The following ATF2 variants were observed in gnomAD, a reference collection of about 807,000 sequenced individuals.
The protein encoded by ATF2 is activating transcription factor 2.
In ATF2, 24 loss-of-function variants were observed where a neutral mutation model predicts 60.6. That is an observed-to-expected ratio of 0.40 (90% confidence interval 0.29 to 0.56). The LOEUF (loss-of-function observed/expected upper bound fraction) is 0.56. Among genes scored for constraint, ATF2 ranks in the 20% least tolerant of loss-of-function variants. The pLI, the probability that ATF2 is intolerant of heterozygous loss-of-function variation, is 0.54. For missense variants in ATF2, 433 were observed against 607.7 expected (o/e 0.71, Z 3.02); for synonymous variants, 206 against 215.4 (o/e 0.96, Z 0.38).
chr2:175,124,335 CT>C (rs1460230456), intron 4 of ATF2, among the ~76,000 whole-genome samples: 3 of 150,866 alleles, frequency 2.0e-5, no homozygotes, highest in Non-Finnish European at 4.4e-5. Context: ...AGCAATCTCT[CT>C]TAAAAGGTTA....
intron 1 of ATF2, among the ~76,000 whole-genome samples, chr2:175,160,210 C>T (rs1559128212): frequency 6.6e-6 from 1 of 152,204 alleles, no homozygotes; most frequent in South Asian, 2.1e-4. Flanking sequence ...CATAGTGAGA[C>T]TCCATCTCTA....
intron 3 of ATF2, among the ~76,000 whole-genome samples, chr2:175,134,601 A>G (rs1698003402): frequency 6.6e-6 from 1 of 152,172 alleles, no homozygotes; most frequent in South Asian, 2.1e-4. Context: ...CCTTTTGTGC[A>G]TAAAATGTAT....
chr2:175,119,428 G>A (rs749585328), intron 5 of ATF2, among the ~76,000 whole-genome samples: 2 of 151,384 alleles, frequency 1.3e-5, no homozygotes, highest in Admixed American at 6.6e-5. Context: ...TAACCATTAT[G>A]TCCCCACAGA....
chr2:175,113,610 C>G (rs1257047961), intron 9 of ATF2, among the ~76,000 whole-genome samples: 1 of 151,896 alleles, frequency 6.6e-6, no homozygotes, highest in Non-Finnish European at 1.5e-5. Context: ...CCTACTTGAC[C>G]ACAAAAATTC....
intron 2 of ATF2, among the ~76,000 whole-genome samples, chr2:175,140,754 C>T (rs1161503130): frequency 4.1e-5 from 6 of 148,010 alleles, no homozygotes; most frequent in South Asian, 2.1e-4. Flanking sequence ...TTTGGGGTGC[C>T]GAGGCAGAAG....
intron 5 of ATF2, among the ~76,000 whole-genome samples, chr2:175,118,870 A>G (rs1156278609): frequency 6.6e-6 from 1 of 151,608 alleles, no homozygotes; most frequent in Non-Finnish European, 1.5e-5. Context: ...TATTGTAAGA[A>G]AGAAAAAAAA....
At chr2:175,092,990 A>G (rs1694662795) in intron 12 of ATF2, 71 bp downstream of exon 12, 1 of 1,529,968 alleles carries the variant, frequency 6.5e-7, no homozygotes. Context: ...AGGCCCAACT[A>G]GGAAAAAAAA....
intron 4 of ATF2, among the ~76,000 whole-genome samples, chr2:175,122,208 T>A (rs1697008108): frequency 6.6e-6 from 1 of 152,004 alleles, no homozygotes. Flanking sequence ...TTTTTAAAGT[T>A]ATCCATCATA....
intron 1 of ATF2, among the ~76,000 whole-genome samples, chr2:175,157,643 AGGGG>A (rs1299406038): frequency 1.3e-5 from 2 of 152,188 alleles, no homozygotes; most frequent in Non-Finnish European, 1.5e-5. Context: ...CCAACACTGA[AGGGG>A]GAGGGGCACG....
intron 1 of ATF2, among the ~76,000 whole-genome samples, chr2:175,161,158 T>C (rs1024892157): frequency 1.3e-5 from 2 of 152,152 alleles, no homozygotes; most frequent in African/African-American, 2.4e-5. Flanking sequence ...GGGGTACATA[T>C]GGAACAAAAA....
At chr2:175,107,179 C>T (rs1168264510) in intron 10 of ATF2, among the ~76,000 whole-genome samples, 1 of 151,974 alleles carries the variant, frequency 6.6e-6, no homozygotes, top group African/African-American at 2.4e-5. Context: ...GGCAAAAGAC[C>T]TCACAACTAA....
intron 1 of ATF2, among the ~76,000 whole-genome samples, chr2:175,167,360 G>A (rs553812297): frequency 3.9e-5 from 6 of 152,096 alleles, no homozygotes; most frequent in Non-Finnish European, 7.4e-5. Flanking sequence ...GAATCAGTCT[G>A]CACCCACACC....
chr2:175,154,282 C>A (rs1220522958), intron 1 of ATF2, among the ~76,000 whole-genome samples: 1 of 150,026 alleles, frequency 6.7e-6, no homozygotes, highest in Non-Finnish European at 1.5e-5. Flanking sequence ...TTGTTAAGAA[C>A]TAACACACAG....
chr2:175,147,609 T>C (rs1699039635), intron 2 of ATF2, among the ~76,000 whole-genome samples: 2 of 152,242 alleles, frequency 1.3e-5, no homozygotes, highest in South Asian at 4.1e-4. Context: ...TAAAAGTTAT[T>C]TGGAAAACAT....
chr2:175,100,029 A>C (rs1188232194), intron 10 of ATF2, among the ~76,000 whole-genome samples: 1 of 152,218 alleles, frequency 6.6e-6, no homozygotes, highest in African/African-American at 2.4e-5. Context: ...TTCTTTATGA[A>C]TTATAAAAAG....
In ATF2 at chr2:175,085,662, A is replaced by G. The variant is rs535769983; in HGVS notation, c.1186-4897T>C. On this transcript the variant is annotated intron_variant, in intron 12 of 13. Transcript: ENST00000264110. The stretch of plus-strand genomic sequence containing the variant: ...CAGGACATCAATTTCTACATTTCAA[A>G]CTTAACGGTTGGTGGTATTCAGACT... Among the ~76,000 whole-genome samples, 16 of 152,098 alleles carry G rather than the reference A, an allele frequency of 1.1e-4. No individual in the cohort carries two copies. The South Asian group carries it at 3.3e-3, about 32-fold the overall frequency.
In ATF2 at chr2:175,121,984, A is replaced by G. The variant is rs145478010; in HGVS notation, c.103-444T>C. Among the ~76,000 whole-genome samples, 192 of 152,036 alleles carry G rather than the reference A, an allele frequency of 1.3e-3. 2 individuals carry two copies. Among genetic ancestry groups the G allele is most frequent in the Non-Finnish European group, 2.0e-3 (138 of 67,876 alleles). ...CTTTTTAAAAGAGAATTTTCTTATA[A>G]AAGTATTACGCCTGGACAAAATTTA... is the stretch of plus-strand genomic sequence containing the variant. On this transcript the variant is annotated intron_variant, in intron 4 of 13. Coordinates refer to ENST00000264110, the MANE Select transcript of ATF2 (RefSeq NM_001880.4).
Position 175,154,234 on chromosome 2 carries a change from A to AAAAT in ATF2, c.-142-3077_-142-3076insATTT, listed in dbSNP as rs59907964. Among the ~76,000 whole-genome samples, 522 of 131,642 alleles carry AAAAT rather than the reference A, an allele frequency of 4.0e-3. 1 individual carries two copies. The highest frequency in any genetic ancestry group is 9.5e-3 in the African/African-American group (339 of 35,820). The allele number at this position is 131,642 out of a possible 152,430, so 86.4% of individuals were successfully genotyped here. A position where few individuals can be genotyped will look rare whatever the true frequency, so the allele number is the denominator to read the frequency against. On this transcript the variant is annotated intron_variant, in intron 1 of 13. Transcript: ENST00000264110. ...CATCTCAAAAAGAAAAGAAAAAAAA[A>AAAAT]ATATATATATATATATATTTTTTAC... is the stretch of plus-strand genomic sequence containing the variant.
chr2:175,081,868 T>C (rs1693780496), intron 12 of ATF2, among the ~76,000 whole-genome samples: 1 of 152,134 alleles, frequency 6.6e-6, no homozygotes, highest in African/African-American at 2.4e-5. Flanking sequence ...CTGGCCAACA[T>C]GGTGAAACCC....
Sources: gnomAD v4.1 joint callset for allele counts (sites outside exome capture counted in the v4.1 genomes callset) on GRCh38, gnomAD v4.1.1 for gene constraint, MANE v1.5 for transcripts, NCBI Gene and HGNC (gene_info 2026-07-23, HGNC 2026-07-21) for gene names.